The following PAM variants were observed in gnomAD, a reference collection of about 807,000 sequenced individuals.
PAM encodes peptidyl-glycine alpha-amidating monooxygenase.
Under a neutral mutation model 122.1 loss-of-function variants are expected in PAM, and 72 were observed. That is an observed-to-expected ratio of 0.59 (90% confidence interval 0.49 to 0.72). The LOEUF (loss-of-function observed/expected upper bound fraction) is 0.72. Ranked by LOEUF, PAM falls within the 30% of genes least tolerant of loss-of-function variation. The pLI is 0.00. For missense variants in PAM, 1,106 were observed against 1,183.7 expected (o/e 0.93, Z 0.96); for synonymous variants, 389 against 404.4 (o/e 0.96, Z 0.46).
In PAM at chr5:102,887,501, T is replaced by G. The variant is rs370481424; in HGVS notation, c.211-13855T>G. Reference sequence around the variant, plus strand: ...TCTGTTATAGGAACACAAAATGGACTAAGACAGTTGTGTTCTTCAGTCAAA... The same window carrying G: ...TCTGTTATAGGAACACAAAATGGACGAAGACAGTTGTGTTCTTCAGTCAAA... On this transcript the variant is annotated intron_variant, in intron 3 of 25. Coordinates refer to ENST00000438793, the MANE Select transcript of PAM (RefSeq NM_001177306.2). Among the ~76,000 whole-genome samples the G allele has an allele frequency of 2.6e-4, 40 of 152,054 alleles. No individual in the cohort carries two copies. In the East Asian group the frequency reaches 7.4e-3, roughly 28 times the overall value.
At chr5:102,894,839 C>G (rs1176195036) in intron 3 of PAM, among the ~76,000 whole-genome samples, 1 of 151,696 alleles carries the variant, frequency 6.6e-6, no homozygotes, top group Non-Finnish European at 1.5e-5. Context: ...ATCCACTCCC[C>G]AGTCATGTCT....
At position 102,961,615 on chromosome 5, in the gene PAM, T is replaced by G. The variant is rs187019956; in HGVS notation, c.1162+386T>G. On this transcript the variant is annotated intron_variant, in intron 14 of 25. Coordinates refer to ENST00000438793, the MANE Select transcript of PAM (RefSeq NM_001177306.2). ...GTATGTTCATTAAGTAGATTTGAGA[T>G]TCAAGAAAAAAAGAAATTAAGAATT... Among the ~76,000 whole-genome samples the G allele has an allele frequency of 1.9e-4, 29 of 152,022 alleles. No homozygotes were observed. The East Asian group carries it at 4.4e-3, about 23-fold the overall frequency.
At chr5:102,903,139 A>G (rs1229720221) in intron 4 of PAM, among the ~76,000 whole-genome samples, 1 of 151,578 alleles carries the variant, frequency 6.6e-6, no homozygotes, top group African/African-American at 2.4e-5. Context: ...TCCAAGTTAT[A>G]AGGTCCTTAA....
intron 23 of PAM, among the ~76,000 whole-genome samples, chr5:103,020,683 A>C (rs1176093660): frequency 6.6e-6 from 1 of 152,154 alleles, no homozygotes; most frequent in Non-Finnish European, 1.5e-5. Context: ...TTCCATTATT[A>C]GTTGCTTTAC....
chr5:102,950,944 CTG>C (rs1391060896), intron 12 of PAM, 124 bp downstream of exon 12: 1 of 613,192 alleles, frequency 1.6e-6, no homozygotes, highest in Non-Finnish European at 2.9e-6. Context: ...TTACAACAAA[CTG>C]TGGCATTTTA....
At chr5:102,957,197 A>G (rs537332699) in intron 12 of PAM, among the ~76,000 whole-genome samples, 1 of 152,304 alleles carries the variant, frequency 6.6e-6, no homozygotes, top group Admixed American at 6.5e-5. Context: ...AGCTTTATAT[A>G]GCTTTACTAC....
rs187240958 is a variant in PAM at position 102,825,042 on chromosome 5, C to T, written c.-373-40781C>T. ...GATCCAAGAAACTGAATAGCTAATG[C>T]GAAAGCACCTTTCTTACCTGAGCAC... On this transcript the variant is annotated intron_variant, in intron 1 of 25. Coordinates refer to ENST00000438793, the MANE Select transcript of PAM (RefSeq NM_001177306.2). Among the ~76,000 whole-genome samples, 21 of 152,250 alleles carry T rather than the reference C, an allele frequency of 1.4e-4. No homozygotes were observed. In the East Asian group the frequency reaches 3.7e-3, roughly 27 times the overall value.
At chr5:103,013,787 C>G (rs371094284) in intron 21 of PAM, among the ~76,000 whole-genome samples, 1 of 152,048 alleles carries the variant, frequency 6.6e-6, no homozygotes, top group East Asian at 1.9e-4. Context: ...AGAGACACAG[C>G]CTTTTGTTCA....
chr5:102,977,394 C>G (rs1409453572), intron 15 of PAM, among the ~76,000 whole-genome samples: 1 of 152,032 alleles, frequency 6.6e-6, no homozygotes, highest in African/African-American at 2.4e-5. Context: ...TATCGTTCCC[C>G]AGAACAAGAC....
At chr5:102,831,648 T>C (rs1007989080) in intron 1 of PAM, among the ~76,000 whole-genome samples, 2 of 152,132 alleles carry the variant, frequency 1.3e-5, no homozygotes, top group Admixed American at 1.3e-4. Flanking sequence ...TCATGCAGTT[T>C]TTAAAGCCCA....
chr5:102,862,955 T>C (rs1188093338), intron 1 of PAM, among the ~76,000 whole-genome samples: 1 of 152,114 alleles, frequency 6.6e-6, no homozygotes, highest in African/African-American at 2.4e-5. Flanking sequence ...AATATATTTA[T>C]TTGGCTCTTT....
intron 14 of PAM, among the ~76,000 whole-genome samples, chr5:102,970,487 C>T (rs777988875): frequency 6.6e-6 from 1 of 152,102 alleles, no homozygotes; most frequent in Non-Finnish European, 1.5e-5. Context: ...GAGTCTCTCC[C>T]CACCTCCACA....
At chr5:102,791,451 T>A (rs1477362327) in intron 1 of PAM, among the ~76,000 whole-genome samples, 1 of 152,060 alleles carries the variant, frequency 6.6e-6, no homozygotes, top group African/African-American at 2.4e-5. Context: ...TTTATATTAT[T>A]TTTGAACATT....
chr5:102,880,426 A>G (rs986743772), intron 3 of PAM, among the ~76,000 whole-genome samples: 9 of 152,318 alleles, frequency 5.9e-5, no homozygotes, highest in African/African-American at 2.2e-4. Context: ...ATTACATAGC[A>G]GGATATTAAC....
chr5:102,799,276 G>A (rs148639404), intron 1 of PAM, among the ~76,000 whole-genome samples: 278 of 152,316 alleles, frequency 1.8e-3, no homozygotes, highest in African/African-American at 6.3e-3. Flanking sequence ...ACAATGCAAC[G>A]TGTATATTTA....
At chr5:102,943,817 G>C in intron 7 of PAM, among the ~76,000 whole-genome samples, 1 of 152,146 alleles carries the variant, frequency 6.6e-6, no homozygotes, top group Admixed American at 6.5e-5. Flanking sequence ...ATACATCTCT[G>C]CTTAAGCAGA....
At chr5:102,948,343 C>T in intron 8 of PAM, 35 bp from the exon 9 acceptor site, 1 of 1,217,826 alleles carries the variant, frequency 8.2e-7, no homozygotes, top group Admixed American at 1.7e-5. Context: ...TTGACTTTTT[C>T]AGGTATTTTA....
At chr5:103,018,794 T>C (rs1005877778) in intron 22 of PAM, among the ~76,000 whole-genome samples, 1 of 152,216 alleles carries the variant, frequency 6.6e-6, no homozygotes, top group African/African-American at 2.4e-5. Flanking sequence ...AGGCCCTGTA[T>C]ACCGTGATCC....
chr5:102,912,197 C>G (rs559007464), intron 4 of PAM, among the ~76,000 whole-genome samples: 1 of 152,004 alleles, frequency 6.6e-6, no homozygotes, highest in Non-Finnish European at 1.5e-5. Context: ...ATAATAAGAT[C>G]TTCTGAGGGG....
Sources: allele counts gnomAD v4.1 joint callset (sites outside exome capture counted in the v4.1 genomes callset), GRCh38; gene constraint gnomAD v4.1.1; transcripts MANE v1.5; gene names NCBI Gene and HGNC (gene_info 2026-07-23, HGNC 2026-07-21).